FAM193B: variants seen among roughly 807,000 people sequenced by gnomAD.
FAM193B encodes the protein family with sequence similarity 193 member B, also known as protein FAM193B.
A neutral mutation model predicts 70.7 loss-of-function variants in FAM193B; 27 were observed. The observed-to-expected ratio is 0.38, with a 90% CI of 0.28 to 0.53. FAM193B has a LOEUF of 0.53. Among genes scored for constraint, FAM193B ranks in the 20% least tolerant of loss-of-function variants. The pLI, the probability that FAM193B is intolerant of heterozygous loss-of-function variation, is 0.81. For missense variants in FAM193B, 1,022 were observed against 1,072.5 expected, an observed-to-expected ratio of 0.95 and a Z score of 0.66; for synonymous variants, 448 against 436.0, an observed-to-expected ratio of 1.03 and a Z score of -0.34.
chr5:177,543,984 T>C (rs749545847), intron 1 of FAM193B, among the ~76,000 whole-genome samples: 1 of 152,250 alleles, frequency 6.6e-6, no homozygotes, highest in Non-Finnish European at 1.5e-5. Context: ...CAGCAGCCCA[T>C]TGTTCCTGCT....
intron 7 of FAM193B, chr5:177,522,292 G>T: frequency 2.0e-6 from 1 of 492,626 alleles, no homozygotes; most frequent in Non-Finnish European, 3.7e-6. Flanking sequence ...AAACTGCCTT[G>T]GGATTCCAGT....
At chr5:177,549,498 T>G (rs1765920189) in intron 1 of FAM193B, among the ~76,000 whole-genome samples, 1 of 152,208 alleles carries the variant, frequency 6.6e-6, no homozygotes, top group South Asian at 2.1e-4. Flanking sequence ...CAGCCTGGAT[T>G]GTCATTTTAT....
rs533041891 is a variant in FAM193B, at chr5:177,554,272, G to A, written c.187C>T (p.Pro63Ser). The A allele has an allele frequency of 1.4e-6, 2 of 1,474,404 alleles. No homozygotes were observed. Among genetic ancestry groups the A allele is most frequent in the Admixed American group, 2.3e-5 (1 of 44,230 alleles). 91.3% of individuals were successfully genotyped at this position (1,474,404 alleles called of 1,614,324 possible). A position where few individuals can be genotyped will look rare whatever the true frequency, so the allele number is the denominator to read the frequency against. The change falls in exon 1 of 9, where the codon CCC (proline) becomes TCC (serine). Residue 63 changes from proline (P) to serine (S), a missense_variant. Coordinates refer to ENST00000514747, the MANE Select transcript of FAM193B (RefSeq NM_001190946.3). ...DHDGPREDDE[P>S]NLVPGPQVPP... ...ACCTGCGGGCCGGGCACCAGGTTGG[G>A]TTCGTCATCCTCCCTGGGGCCGTCG...
intron 1 of FAM193B, among the ~76,000 whole-genome samples, chr5:177,542,125 C>T (rs1017957225): frequency 1.3e-5 from 2 of 152,158 alleles, no homozygotes; most frequent in African/African-American, 2.4e-5. Flanking sequence ...ACGTATGATA[C>T]GTGTGTTTTC....
intron 7 of FAM193B, chr5:177,523,242 C>A: frequency 2.7e-6 from 1 of 368,628 alleles, no homozygotes; most frequent in Non-Finnish European, 5.7e-6. Flanking sequence ...TCAGGTGATC[C>A]ACCCGCCTCG....
At position 177,524,633 on chromosome 5, in the gene FAM193B, T is replaced by C. The variant is rs778001992; in HGVS notation, c.1848A>G (p.Glu616=). The C allele has an allele frequency of 1.2e-6, 2 of 1,612,834 alleles. No individual in the cohort carries two copies. Among genetic ancestry groups the C allele is most frequent in the South Asian group, 2.2e-5 (2 of 90,962 alleles). The change falls in exon 6 of 9, where the codon GAA becomes GAG. Residue 616 remains glutamate, a synonymous_variant. Coordinates refer to ENST00000514747, the MANE Select transcript of FAM193B (RefSeq NM_001190946.3). The part of the protein sequence containing the change: ...YPSSEEPSSK[E]VPSCKQELPE... ...GCAGCTCCTGCTTGCAACTGGGAAC[T>C]TCCTTTGAGCTTGGCTCCTCGGAGC...
At chr5:177,529,526 G>A (rs1418033607) in intron 5 of FAM193B, among the ~76,000 whole-genome samples, 3 of 152,148 alleles carry the variant, frequency 2.0e-5, no homozygotes. Context: ...GCCTGGGCCT[G>A]CCAGACAGGA....
Position 177,525,135 on chromosome 5 carries a change from G to T in FAM193B, c.1346C>A (p.Pro449Gln). The T allele has an allele frequency of 6.5e-7, 1 of 1,540,906 alleles. No individual in the cohort carries two copies. ...QANRVSGSRE[P>Q]RPARERLLEW... ...CAAGAGCCTCTCCCTGGCAGGCCTT[G>T]GCTCCCGGCTTCCAGAAACACGATT... is the stretch of plus-strand genomic sequence containing the variant. The change falls in exon 6 of 9, where the codon CCA becomes CAA. Residue 449 changes from proline (P) to glutamine (Q), a missense_variant. Physicochemically the swap from Pro to Gln is moderately conservative, Grantham distance 76. Transcript: ENST00000514747.
At chr5:177,544,723 C>T (rs563836083) in intron 1 of FAM193B, among the ~76,000 whole-genome samples, 49 of 152,272 alleles carry the variant, frequency 3.2e-4, no homozygotes, top group Middle Eastern at 3.4e-3. Flanking sequence ...GGAAGATGTG[C>T]AAAATCCAGT....
chr5:177,554,227 A>C, intron 1 of FAM193B, 22 bp downstream of exon 1: 1 of 1,488,562 alleles, frequency 6.7e-7, no homozygotes, highest in Non-Finnish European at 8.9e-7. Flanking sequence ...CGAGCCGCCG[A>C]AGTCTCCCCG....
At chr5:177,521,781 C>T (rs200885131) in intron 8 of FAM193B, among the ~76,000 whole-genome samples, 193 bp downstream of exon 8, 11 of 152,174 alleles carry the variant, frequency 7.2e-5, no homozygotes, top group East Asian at 1.9e-4. Flanking sequence ...TGAGTGGCTG[C>T]GGGAGGAGAT....
Position 177,524,169 on chromosome 5 carries a change from T to A in FAM193B, c.2296+16A>T, listed in dbSNP as rs1043382464. The A allele has an allele frequency of 6.3e-7, 1 of 1,578,942 alleles. No homozygotes were observed. The highest frequency in any genetic ancestry group is 1.4e-5 in the African/African-American group (1 of 74,032). ...CTGGGGTAGGGGGTCAGCCGCTCAG[T>A]TCCTGGTGCACTCACCCAAGGAGGA... On this transcript the variant is annotated intron_variant, in intron 6 of 8. Coordinates refer to ENST00000514747, the MANE Select transcript of FAM193B (RefSeq NM_001190946.3).
chr5:177,523,878 T>C (rs28688891), intron 7 of FAM193B, 79 bp downstream of exon 7: 1,526,861 of 1,529,378 alleles, frequency 1, 762,220 homozygotes, highest in East Asian at 1. Context: ...TTTCTGAGGC[T>C]TGAGGCACAA....
chr5:177,526,208 C>T (rs768148610), intron 5 of FAM193B, among the ~76,000 whole-genome samples: 22 of 152,234 alleles, frequency 1.4e-4, no homozygotes, highest in Non-Finnish European at 2.5e-4. Flanking sequence ...CAATGGACTA[C>T]AGTCAATTGT....
intron 4 of FAM193B, 121 bp downstream of exon 4, chr5:177,536,236 GA>G: frequency 8.8e-7 from 1 of 1,137,642 alleles, no homozygotes; most frequent in Non-Finnish European, 1.3e-6. Flanking sequence ...CTTTACAATT[GA>G]AAAATAATGA....
At chr5:177,533,591 C>A (rs1763805687) in intron 4 of FAM193B, among the ~76,000 whole-genome samples, 1 of 152,212 alleles carries the variant, frequency 6.6e-6, no homozygotes, top group Admixed American at 6.5e-5. Context: ...CAGGCGTGAG[C>A]CACTGCGCCC....
chr5:177,521,868 A>C (rs1036232100), intron 8 of FAM193B, 106 bp downstream of exon 8: 2 of 837,722 alleles, frequency 2.4e-6, no homozygotes, highest in African/African-American at 3.4e-5. Flanking sequence ...CCATGCCCCA[A>C]GTCCAACTCC....
rs376802512 is a variant in FAM193B, at chr5:177,525,088, C to T, written c.1393G>A (p.Asp465Asn). ...CTGCTCAGGAAGCTGTTGACCCGATCCAGTTCCCGGTCGGGCCACTCCAAG... is the reference window on the plus strand; with the variant it reads ...CTGCTCAGGAAGCTGTTGACCCGATTCAGTTCCCGGTCGGGCCACTCCAAG... ...RLLEWPDREL[D>N]RVNSFLSSRL... The change falls in exon 6 of 9, where the codon GAT becomes AAT. Residue 465 changes from aspartate (D) to asparagine (N), a missense_variant. By Grantham distance (23) the Asp-to-Asn change is conservative. Transcript: ENST00000514747. The T allele has an allele frequency of 1.5e-4, 245 of 1,595,172 alleles. No homozygotes were observed. Among genetic ancestry groups the T allele is most frequent in the Non-Finnish European group, 1.9e-4 (219 of 1,171,746 alleles).
In FAM193B at chr5:177,524,262, C is replaced by T. The variant is rs1383299675; in HGVS notation, c.2219G>A (p.Arg740Lys). 6.4e-7 allele frequency: 1 copy of T among 1,566,842 alleles called. No individual in the cohort carries two copies. The highest frequency in any genetic ancestry group is 2.3e-5 in the East Asian group (1 of 43,504). Residue 740 changes from arginine (R) to lysine (K), a missense_variant, in exon 6 of 9, where the codon AGG becomes AAG. Arg to Lys is a conservative substitution (Grantham distance 26). Coordinates refer to ENST00000514747, the MANE Select transcript of FAM193B (RefSeq NM_001190946.3). ...CTTGCCCTGGGGCAAGCTCTGTGGC[C>T]TTGCTGGGCCTGAGGGCTGCACAGA... Reference protein sequence around the residue: ...QESVQPSGPARPQSLPQGKGR... With the variant: ...QESVQPSGPAKPQSLPQGKGR...
Sources: gnomAD v4.1 joint callset for allele counts (sites outside exome capture counted in the v4.1 genomes callset) on GRCh38, gnomAD v4.1.1 for gene constraint, MANE v1.5 for transcripts, NCBI Gene and HGNC (gene_info 2026-07-23, HGNC 2026-07-21) for gene names.